The following XKR6 variants were observed in gnomAD, a reference collection of about 807,000 sequenced individuals.
XKR6 encodes XK related 6.
A neutral mutation model predicts 56.7 loss-of-function variants in XKR6; 22 were observed. The ratio of observed to expected loss-of-function variants is 0.39; its 90% CI spans 0.28 to 0.55. The LOEUF (loss-of-function observed/expected upper bound fraction) is 0.55, where lower values mean the gene tolerates loss of function less well. XKR6 is among the 20% of genes least tolerant of loss of function. The pLI is 0.66. For missense variants in XKR6, 852 were observed against 889.0 expected, an observed-to-expected ratio of 0.96 and a Z score of 0.53; for synonymous variants, 524 against 387.8, an observed-to-expected ratio of 1.35 and a Z score of -4.13.
chr8:10,944,100 A>G (rs1456454073), intron 1 of XKR6, among the ~76,000 whole-genome samples: 1 of 152,014 alleles, frequency 6.6e-6, no homozygotes, highest in Non-Finnish European at 1.5e-5. Context: ...GCATCCATAT[A>G]CCCAGCGCCC....
intron 1 of XKR6, among the ~76,000 whole-genome samples, chr8:11,100,382 G>A (rs772481260): frequency 6.6e-6 from 1 of 152,192 alleles, no homozygotes; most frequent in Admixed American, 6.5e-5. Context: ...TAGAATTTAT[G>A]ACTTCCACCT....
intron 1 of XKR6, among the ~76,000 whole-genome samples, chr8:11,144,041 C>T (rs555537424): frequency 1.3e-5 from 2 of 152,000 alleles, no homozygotes; most frequent in Non-Finnish European, 2.9e-5. Flanking sequence ...GCCAGCCAGA[C>T]TGGATTAAGA....
intron 1 of XKR6, among the ~76,000 whole-genome samples, chr8:11,112,356 A>T (rs1029169334): frequency 2.0e-5 from 3 of 152,208 alleles, no homozygotes; most frequent in African/African-American, 7.2e-5. Flanking sequence ...TAGCACATGA[A>T]CTAAGAAAGA....
intron 1 of XKR6, among the ~76,000 whole-genome samples, chr8:11,033,356 TGAC>T (rs1489439071): frequency 5.3e-5 from 8 of 150,564 alleles, no homozygotes; most frequent in African/African-American, 2.0e-4. Flanking sequence ...ATGATGATGA[TGAC>T]GATAGTGATG....
At chr8:11,156,114 CTA>C (rs1441314928) in intron 1 of XKR6, among the ~76,000 whole-genome samples, 2 of 152,232 alleles carry the variant, frequency 1.3e-5, no homozygotes, top group Non-Finnish European at 2.9e-5. Flanking sequence ...TCTTTCCACT[CTA>C]TGCCTTCTCC....
intron 1 of XKR6, among the ~76,000 whole-genome samples, chr8:11,166,136 T>C (rs574544738): frequency 2.1e-4 from 32 of 152,198 alleles, no homozygotes; most frequent in African/African-American, 7.7e-4. Context: ...TTTGTATTTT[T>C]TGCAGAGACG....
intron 1 of XKR6, among the ~76,000 whole-genome samples, chr8:10,951,436 G>A (rs1423327772): frequency 6.6e-6 from 1 of 152,196 alleles, no homozygotes; most frequent in East Asian, 1.9e-4. Context: ...AGAAGGCTGG[G>A]AAGGTGTGAG....
chr8:11,152,467 C>G (rs1380494398), intron 1 of XKR6, among the ~76,000 whole-genome samples: 2 of 152,050 alleles, frequency 1.3e-5, no homozygotes, highest in African/African-American at 4.8e-5. Context: ...GAGGAAGAGT[C>G]TGAAGGAAGG....
At chr8:11,144,607 G>A (rs1234065130) in intron 1 of XKR6, among the ~76,000 whole-genome samples, 1 of 151,938 alleles carries the variant, frequency 6.6e-6, no homozygotes, top group Non-Finnish European at 1.5e-5. Flanking sequence ...AGTTACCTGT[G>A]GGTAACTGTC....
chr8:10,922,645 G>A (rs984573782), intron 2 of XKR6, among the ~76,000 whole-genome samples: 5 of 152,202 alleles, frequency 3.3e-5, no homozygotes, highest in Non-Finnish European at 7.3e-5. Flanking sequence ...GATCCTGTGA[G>A]GCAGGGACTC....
At chr8:11,000,343 T>A (rs1798209409) in intron 1 of XKR6, among the ~76,000 whole-genome samples, 1 of 152,320 alleles carries the variant, frequency 6.6e-6, no homozygotes, top group South Asian at 2.1e-4. Context: ...TAGCAATGCA[T>A]CATAATATGT....
intron 1 of XKR6, chr8:11,062,558 G>A: frequency 8.3e-6 from 3 of 360,528 alleles, no homozygotes; most frequent in South Asian, 6.3e-5. Flanking sequence ...AGGCAAAACA[G>A]GGGCTGATTG....
chr8:11,168,490 T>C (rs1802198222), intron 1 of XKR6, among the ~76,000 whole-genome samples: 1 of 152,100 alleles, frequency 6.6e-6, no homozygotes, highest in Non-Finnish European at 1.5e-5. Context: ...TAGAAGAACT[T>C]GACAAAAGAT....
chr8:11,178,848 T>C (rs563702289), intron 1 of XKR6, among the ~76,000 whole-genome samples: 1 of 151,332 alleles, frequency 6.6e-6, no homozygotes, highest in South Asian at 2.1e-4. Flanking sequence ...TTTTTTCTTT[T>C]TTTTAGAGAC....
At chr8:10,917,396 A>T (rs897447994) in intron 2 of XKR6, among the ~76,000 whole-genome samples, 1 of 152,132 alleles carries the variant, frequency 6.6e-6, no homozygotes, top group African/African-American at 2.4e-5. Context: ...TGCATGGTGG[A>T]GTGGGACCGT....
intron 1 of XKR6, among the ~76,000 whole-genome samples, chr8:11,040,261 C>T (rs1799252503): frequency 1.3e-5 from 2 of 151,732 alleles, no homozygotes; most frequent in African/African-American, 4.8e-5. Context: ...CAGCCTCACG[C>T]CTGGAATCCC....
intron 1 of XKR6, among the ~76,000 whole-genome samples, chr8:10,928,012 C>T (rs963560025): frequency 7.9e-5 from 12 of 152,246 alleles, no homozygotes; most frequent in Non-Finnish European, 1.6e-4. Context: ...TCCTTTCCAA[C>T]TGCTCCCGGC....
At chr8:11,111,155 A>C (rs1056256076) in intron 1 of XKR6, among the ~76,000 whole-genome samples, 1 of 151,812 alleles carries the variant, frequency 6.6e-6, no homozygotes. Flanking sequence ...CGCCTGCCCA[A>C]CTTTCCATTT....
intron 1 of XKR6, among the ~76,000 whole-genome samples, chr8:11,039,443 C>T (rs752757586): frequency 1.4e-4 from 21 of 152,244 alleles, no homozygotes; most frequent in Non-Finnish European, 2.5e-4. Context: ...TTACTGGACA[C>T]GCTGTGTGTG....
Sources: gnomAD v4.1 joint callset for allele counts (sites outside exome capture counted in the v4.1 genomes callset) on GRCh38, gnomAD v4.1.1 for gene constraint, MANE v1.5 for transcripts, NCBI Gene and HGNC (gene_info 2026-07-23, HGNC 2026-07-21) for gene names.